The following SLC7A1 variants were observed in gnomAD, a reference collection of about 807,000 sequenced individuals.
SLC7A1 encodes solute carrier family 7 member 1.
A neutral mutation model predicts 53.9 loss-of-function variants in SLC7A1; 10 were observed. The observed-to-expected ratio is 0.19, with a 90% CI of 0.11 to 0.31. The LOEUF (loss-of-function observed/expected upper bound fraction) is 0.31, where lower values mean the gene tolerates loss of function less well. Among genes scored for constraint, SLC7A1 ranks in the 10% least tolerant of loss-of-function variants. The probability of loss-of-function intolerance (pLI) is 1.00; values close to 1 mark genes in which losing one functional copy is unlikely to be tolerated. For synonymous variants in SLC7A1, 342 were observed against 338.7 expected (o/e 1.01, Z -0.11); for missense variants, 525 against 827.2 (o/e 0.63, Z 4.48).
At position 29,530,603 on chromosome 13, in the gene SLC7A1, C is replaced by T. The variant is rs368587710; in HGVS notation, c.639G>A (p.Ser213=). ...FIMVSGFVKG[S]VKNWQLTEED... The stretch of plus-strand genomic sequence containing the variant: ...CCTCCGTGAGCTGCCAGTTTTTAAC[C>T]GATCCTTTCACAAATCCTGACACCA... Residue 213 remains serine, a synonymous_variant, in exon 5 of 13, where the codon TCG becomes TCA. Coordinates refer to ENST00000380752, the MANE Select transcript of SLC7A1 (RefSeq NM_003045.5). 67 of 1,614,104 alleles carry T rather than the reference C, an allele frequency of 4.2e-5. No individual in the cohort carries two copies. The highest frequency in any genetic ancestry group is 1.1e-4 in the African/African-American group (8 of 75,020).
chr13:29,517,117 G>A (rs1365814809), intron 11 of SLC7A1, 27 bp downstream of exon 11: 3 of 1,563,092 alleles, frequency 1.9e-6, no homozygotes, highest in African/African-American at 2.7e-5. Flanking sequence ...GTGTACCAGG[G>A]TTCCTTCCCT....
chr13:29,556,541 G>A (rs1361565095), intron 1 of SLC7A1, among the ~76,000 whole-genome samples: 1 of 152,030 alleles, frequency 6.6e-6, no homozygotes, highest in Non-Finnish European at 1.5e-5. Context: ...ACCACGCCTG[G>A]CTAATTTTTG....
At chr13:29,539,521 C>G (rs1724761293) in intron 2 of SLC7A1, among the ~76,000 whole-genome samples, 1 of 152,198 alleles carries the variant, frequency 6.6e-6, no homozygotes, top group African/African-American at 2.4e-5. Context: ...TTACTGTAAG[C>G]TTAGATACAG....
chr13:29,523,584 C>G (rs140965234), intron 6 of SLC7A1, 96 bp from the exon 7 acceptor site: 12 of 887,920 alleles, frequency 1.4e-5, no homozygotes, highest in Admixed American at 8.3e-5. Context: ...CCGGAACCCA[C>G]GTGACCCTAC....
intron 8 of SLC7A1, among the ~76,000 whole-genome samples, chr13:29,520,004 A>G (rs1453845432): frequency 6.6e-6 from 1 of 151,826 alleles, no homozygotes; most frequent in East Asian, 1.9e-4. Context: ...TCCATCATCC[A>G]TCCTATCGGT....
At chr13:29,538,765 C>T (rs939867086) in intron 2 of SLC7A1, among the ~76,000 whole-genome samples, 3 of 152,250 alleles carry the variant, frequency 2.0e-5, no homozygotes, top group Admixed American at 1.3e-4. Context: ...AACATTGCAA[C>T]ATAGCCCTCA....
intron 1 of SLC7A1, among the ~76,000 whole-genome samples, chr13:29,556,909 A>T (rs369840039): frequency 6.6e-6 from 1 of 152,264 alleles, no homozygotes; most frequent in Non-Finnish European, 1.5e-5. Context: ...AGCCTGCCAC[A>T]GTAACGCTTG....
intron 1 of SLC7A1, among the ~76,000 whole-genome samples, chr13:29,567,077 C>G (rs1008111713): frequency 2.0e-5 from 3 of 152,186 alleles, no homozygotes; most frequent in African/African-American, 7.2e-5. Flanking sequence ...GTGAAATTAG[C>G]TCCTATTTGA....
chr13:29,584,869 T>C (rs1871815055), intron 1 of SLC7A1, among the ~76,000 whole-genome samples: 1 of 152,260 alleles, frequency 6.6e-6, no homozygotes, highest in African/African-American at 2.4e-5. Flanking sequence ...AAAAATAACA[T>C]TTCTATGAGT....
chr13:29,523,280 G>A lies in SLC7A1; in HGVS notation c.1035C>T (p.Cys345=), dbSNP rs117900613. 37,305 of 1,613,032 alleles carry A rather than the reference G, an allele frequency of 0.023. 635 individuals are homozygous for A. The highest frequency in any genetic ancestry group is 0.06 in the South Asian group (5,447 of 91,062). The change falls in exon 7 of 13, where the codon TGC becomes TGT. Residue 345 remains cysteine (C), a synonymous_variant. Transcript: ENST00000380752. The part of the protein sequence containing the change: ...AKYAVAVGSL[C]ALSASLLGSM... ...AGGCCTCTCACCTGGCGGAAAGAGCGCAGAGGGAGCCCACGGCCACTGCGT... is the reference window on the plus strand; with the variant it reads ...AGGCCTCTCACCTGGCGGAAAGAGCACAGAGGGAGCCCACGGCCACTGCGT...
chr13:29,566,205 G>A (rs57642386), intron 1 of SLC7A1, among the ~76,000 whole-genome samples: 2,210 of 152,146 alleles, frequency 0.015, 57 homozygotes, highest in African/African-American at 0.05. Flanking sequence ...AATTCAAAAC[G>A]GAAGAACAAA....
At chr13:29,579,778 C>T (rs1322598174) in intron 1 of SLC7A1, among the ~76,000 whole-genome samples, 11 of 152,200 alleles carry the variant, frequency 7.2e-5, no homozygotes, top group Admixed American at 6.5e-4. Context: ...GGGCACAAAC[C>T]TGGTGGACCA....
intron 1 of SLC7A1, among the ~76,000 whole-genome samples, chr13:29,595,004 G>T (rs1872251004): frequency 6.6e-6 from 1 of 151,948 alleles, no homozygotes; most frequent in South Asian, 2.1e-4. Flanking sequence ...CCTCGCCGCC[G>T]GCGGGCTCCG....
intron 5 of SLC7A1, among the ~76,000 whole-genome samples, chr13:29,524,848 T>C (rs1868810349): frequency 6.6e-6 from 1 of 152,194 alleles, no homozygotes; most frequent in Non-Finnish European, 1.5e-5. Context: ...TCAGCACATC[T>C]TTGCTACACT....
intron 2 of SLC7A1, among the ~76,000 whole-genome samples, chr13:29,544,867 C>CGGGGG (rs11305796): frequency 1.7e-5 from 2 of 115,572 alleles, no homozygotes; most frequent in African/African-American, 8.0e-5. Context: ...CCTGCCTCAT[C>CGGGGG]GGGGGGGGGG....
At chr13:29,544,377 T>C (rs983098543) in intron 2 of SLC7A1, among the ~76,000 whole-genome samples, 3 of 152,216 alleles carry the variant, frequency 2.0e-5, no homozygotes, top group Non-Finnish European at 2.9e-5. Flanking sequence ...GAATGACATG[T>C]CACGCTTTCA....
At chr13:29,591,502 C>G (rs934960141) in intron 1 of SLC7A1, among the ~76,000 whole-genome samples, 1 of 152,188 alleles carries the variant, frequency 6.6e-6, no homozygotes, top group Non-Finnish European at 1.5e-5. Context: ...GTCACCACTG[C>G]TAGATGGTTT....
intron 1 of SLC7A1, among the ~76,000 whole-genome samples, chr13:29,573,175 C>T (rs912082068): frequency 6.6e-6 from 1 of 152,166 alleles, no homozygotes; most frequent in Non-Finnish European, 1.5e-5. Context: ...TGACATATAT[C>T]TGATAAAATA....
intron 1 of SLC7A1, among the ~76,000 whole-genome samples, chr13:29,557,353 C>T (rs1400387666): frequency 2.0e-5 from 3 of 152,034 alleles, no homozygotes; most frequent in Non-Finnish European, 2.9e-5. Flanking sequence ...CACCTTTAGG[C>T]GATTTCATCC....
Sources: allele counts gnomAD v4.1 joint callset (sites outside exome capture counted in the v4.1 genomes callset), GRCh38; gene constraint gnomAD v4.1.1; transcripts MANE v1.5; gene names NCBI Gene and HGNC (gene_info 2026-07-23, HGNC 2026-07-21).